Variants in MFHAS1 observed in about 807,000 individuals in gnomAD.
MFHAS1 encodes malignant fibrous histiocytoma-amplified sequence 1.
In MFHAS1, 50 loss-of-function variants were observed where a neutral mutation model predicts 70.4. That is an observed-to-expected ratio of 0.71 (90% CI 0.57 to 0.90). The LOEUF is 0.90. MFHAS1 is among the 40% of genes least tolerant of loss of function. The probability of loss-of-function intolerance (pLI) is 0.00; values close to 1 mark genes in which losing one functional copy is unlikely to be tolerated. For synonymous variants in MFHAS1, 952 were observed against 620.0 expected, an observed-to-expected ratio of 1.54 and a Z score of -7.96; for missense variants, 1,795 against 1,347.6, an observed-to-expected ratio of 1.33 and a Z score of -5.20.
In MFHAS1 at chr8:8,890,472, C is replaced by G. The variant is rs1809950999; in HGVS notation, c.2587G>C (p.Ala863Pro). The G allele has an allele frequency of 5.6e-6, 9 of 1,613,874 alleles. No individual in the cohort carries two copies. Among genetic ancestry groups the G allele is most frequent in the South Asian group, 1.1e-5 (1 of 91,078 alleles). The change falls in exon 1 of 3, where the codon GCC becomes CCC. Residue 863 changes from alanine to proline, a missense_variant. Ala to Pro is a conservative substitution (Grantham distance 27). Transcript: ENST00000276282. Reference sequence around the variant, plus strand: ...GCTAGGTTGGTCCCATTAATCCAGGCTTCTGCATGGGGCACCTCGTTCTGC... The same window carrying G: ...GCTAGGTTGGTCCCATTAATCCAGGGTTCTGCATGGGGCACCTCGTTCTGC... Reference protein sequence around the residue: ...YVQNEVPHAEAWINGTNLAGQ... With the variant: ...YVQNEVPHAEPWINGTNLAGQ...
At chr8:8,799,158 G>C (rs936590697) in intron 1 of MFHAS1, among the ~76,000 whole-genome samples, 2 of 152,052 alleles carry the variant, frequency 1.3e-5, no homozygotes, top group African/African-American at 4.8e-5. Flanking sequence ...GCATGAAACC[G>C]AGGACAGTAC....
chr8:8,874,586 G>A (rs552616664), intron 1 of MFHAS1, among the ~76,000 whole-genome samples: 2 of 152,180 alleles, frequency 1.3e-5, no homozygotes, highest in African/African-American at 4.8e-5. Context: ...TATGAAAAAG[G>A]GGGCTTTGCT....
At chr8:8,854,618 G>A (rs1345379378) in intron 1 of MFHAS1, among the ~76,000 whole-genome samples, 4 of 151,746 alleles carry the variant, frequency 2.6e-5, no homozygotes, top group Non-Finnish European at 5.9e-5. Flanking sequence ...CTTGGAGGTG[G>A]AGGTTGCAGT....
intron 1 of MFHAS1, among the ~76,000 whole-genome samples, chr8:8,816,877 C>T (rs1476468695): frequency 6.6e-6 from 1 of 152,192 alleles, no homozygotes; most frequent in African/African-American, 2.4e-5. Context: ...GGTTAACATA[C>T]TCTTACCCAT....
chr8:8,809,610 C>G (rs1563183555), intron 1 of MFHAS1, among the ~76,000 whole-genome samples: 1 of 152,186 alleles, frequency 6.6e-6, no homozygotes, highest in Admixed American at 6.5e-5. Context: ...AATACAAATC[C>G]ACCCAAGAAA....
intron 1 of MFHAS1, among the ~76,000 whole-genome samples, chr8:8,861,016 T>G (rs562555114): frequency 1.3e-4 from 20 of 152,308 alleles, no homozygotes; most frequent in African/African-American, 4.8e-4. Flanking sequence ...TATTAGCGAT[T>G]ATGACAGAAA....
chr8:8,889,304 A>G (rs960735990), intron 1 of MFHAS1, among the ~76,000 whole-genome samples: 1 of 152,184 alleles, frequency 6.6e-6, no homozygotes, highest in Non-Finnish European at 1.5e-5. Flanking sequence ...TCAGTCATCT[A>G]TCTTCCATGT....
chr8:8,795,706 C>A (rs1410602680), intron 2 of MFHAS1, among the ~76,000 whole-genome samples: 1 of 152,166 alleles, frequency 6.6e-6, no homozygotes, highest in Non-Finnish European at 1.5e-5. Context: ...CCTCGCTTTG[C>A]AGGGAGCACA....
At chr8:8,889,954 G>A (rs1317474055) in intron 1 of MFHAS1, 107 bp downstream of exon 1, 1 of 936,380 alleles carries the variant, frequency 1.1e-6, no homozygotes, top group Non-Finnish European at 1.6e-6. Flanking sequence ...AAGCTTTCCT[G>A]GAGAACCCGT....
At chr8:8,809,232 A>G (rs1806454134) in intron 1 of MFHAS1, among the ~76,000 whole-genome samples, 1 of 152,132 alleles carries the variant, frequency 6.6e-6, no homozygotes, top group Admixed American at 6.5e-5. Context: ...ATCTATTACA[A>G]TGTAATAATA....
chr8:8,842,042 G>A (rs139591965), intron 1 of MFHAS1, among the ~76,000 whole-genome samples: 51 of 152,346 alleles, frequency 3.3e-4, no homozygotes, highest in African/African-American at 1.2e-3. Flanking sequence ...CAATGTGGGA[G>A]GCTGAGTGCC....
intron 1 of MFHAS1, among the ~76,000 whole-genome samples, chr8:8,806,936 T>C (rs1244463254): frequency 1.3e-5 from 2 of 151,124 alleles, no homozygotes; most frequent in Non-Finnish European, 2.9e-5. Flanking sequence ...ACTACAGCCC[T>C]GGGGACACAG....
intron 2 of MFHAS1, among the ~76,000 whole-genome samples, chr8:8,788,004 C>T (rs550433695): frequency 2.0e-5 from 3 of 152,352 alleles, no homozygotes; most frequent in Admixed American, 2.0e-4. Context: ...AACTTGTCCT[C>T]CTTCTTCAAG....
intron 1 of MFHAS1, among the ~76,000 whole-genome samples, chr8:8,877,817 TG>T (rs1225189084): frequency 6.6e-6 from 1 of 152,228 alleles, no homozygotes; most frequent in Admixed American, 6.5e-5. Flanking sequence ...CTCTAGTTGA[TG>T]GGCCAGTGGG....
At chr8:8,787,460 G>A (rs1342330753) in intron 2 of MFHAS1, among the ~76,000 whole-genome samples, 1 of 152,172 alleles carries the variant, frequency 6.6e-6, no homozygotes, top group Non-Finnish European at 1.5e-5. Context: ...GAGTGACAGA[G>A]CCAGGCCTTT....
chr8:8,825,908 G>A (rs968320407), intron 1 of MFHAS1, among the ~76,000 whole-genome samples: 1 of 152,140 alleles, frequency 6.6e-6, no homozygotes, highest in East Asian at 1.9e-4. Context: ...ACTGGAGGAG[G>A]CTCAGAGGTA....
chr8:8,841,048 T>TA (rs1807802655), intron 1 of MFHAS1, among the ~76,000 whole-genome samples: 1 of 152,100 alleles, frequency 6.6e-6, no homozygotes, highest in Non-Finnish European at 1.5e-5. Context: ...CTTAAATAAG[T>TA]AAAAAATAAT....
intron 1 of MFHAS1, among the ~76,000 whole-genome samples, chr8:8,797,869 T>A (rs1050946924): frequency 6.6e-6 from 1 of 152,068 alleles, no homozygotes; most frequent in African/African-American, 2.4e-5. Context: ...CAAGGAGGTG[T>A]TCATAATTAG....
chr8:8,829,006 A>G (rs1156747158), intron 1 of MFHAS1, among the ~76,000 whole-genome samples: 1 of 152,096 alleles, frequency 6.6e-6, no homozygotes, highest in African/African-American at 2.4e-5. Flanking sequence ...CTACAATGCA[A>G]ATCTATTCTC....
Sources: allele counts gnomAD v4.1 joint callset (sites outside exome capture counted in the v4.1 genomes callset), GRCh38; gene constraint gnomAD v4.1.1; transcripts MANE v1.5; gene names NCBI Gene and HGNC (gene_info 2026-07-23, HGNC 2026-07-21).